Variants in ZCCHC7 observed in about 807,000 individuals in gnomAD.
ZCCHC7 encodes zinc finger CCHC domain-containing protein 7.
In ZCCHC7, 35 loss-of-function variants were observed where a neutral mutation model predicts 52.0. The observed-to-expected ratio is 0.67, with a 90% CI of 0.51 to 0.89. The LOEUF (loss-of-function observed/expected upper bound fraction) is 0.89. Ranked by LOEUF, ZCCHC7 falls within the 40% of genes least tolerant of loss-of-function variation. The probability of loss-of-function intolerance (pLI) is 0.00; values close to 1 mark genes in which losing one functional copy is unlikely to be tolerated. For missense variants in ZCCHC7, 574 were observed against 649.1 expected (o/e 0.88, Z 1.26); for synonymous variants, 217 against 221.5 (o/e 0.98, Z 0.18).
chr9:37,137,917 A>G (rs1466002477), intron 2 of ZCCHC7, among the ~76,000 whole-genome samples: 1 of 152,180 alleles, frequency 6.6e-6, no homozygotes, highest in Admixed American at 6.5e-5. Flanking sequence ...CTAACAGGTC[A>G]TAAGAGTGTA....
rs558831044 is a variant in ZCCHC7, at chr9:37,218,229, CA to C, written c.611-83949del. On this transcript the variant is annotated intron_variant, in intron 2 of 8. Coordinates refer to ENST00000336755, the MANE Select transcript of ZCCHC7 (RefSeq NM_032226.3). ...CTAAGTATAAAGATTCTTGAAAGGG[CA>C]AAAAAAAAATCTTTGTGGATTCAAA... Among the ~76,000 whole-genome samples the C allele has an allele frequency of 2.5e-4, 38 of 149,360 alleles. No homozygotes were observed. In the East Asian group the frequency reaches 6.9e-3, roughly 27 times the overall value.
At chr9:37,137,463 AATAGT>A in intron 2 of ZCCHC7, among the ~76,000 whole-genome samples, 1 of 152,324 alleles carries the variant, frequency 6.6e-6, no homozygotes, top group South Asian at 2.1e-4. Flanking sequence ...GAAATGTTTT[AATAGT>A]ATATCTTTTT....
intron 2 of ZCCHC7, among the ~76,000 whole-genome samples, chr9:37,140,524 G>A (rs1843174873): frequency 6.6e-6 from 1 of 151,928 alleles, no homozygotes; most frequent in Admixed American, 6.6e-5. Context: ...TAGGTGAGTG[G>A]TAGAGATCCA....
At chr9:37,225,030 C>T (rs1026046870) in intron 2 of ZCCHC7, among the ~76,000 whole-genome samples, 2 of 152,188 alleles carry the variant, frequency 1.3e-5, no homozygotes, top group African/African-American at 4.8e-5. Flanking sequence ...AAGAATAATT[C>T]ATTTTATCCC....
At chr9:37,289,502 A>G (rs186624635) in intron 2 of ZCCHC7, among the ~76,000 whole-genome samples, 50 of 152,232 alleles carry the variant, frequency 3.3e-4, no homozygotes, top group Non-Finnish European at 6.5e-4. Flanking sequence ...TTACCTCCAG[A>G]TTATATTCAG....
chr9:37,248,006 GAA>G (rs1826154858), intron 2 of ZCCHC7, among the ~76,000 whole-genome samples: 1 of 151,774 alleles, frequency 6.6e-6, no homozygotes, highest in African/African-American at 2.4e-5. Flanking sequence ...TCACAAACCT[GAA>G]GAGTATTGCC....
At chr9:37,154,099 A>G (rs1457644407) in intron 2 of ZCCHC7, among the ~76,000 whole-genome samples, 1 of 152,048 alleles carries the variant, frequency 6.6e-6, no homozygotes, top group Non-Finnish European at 1.5e-5. Context: ...TCTGTTGCCC[A>G]GGCTGGTCTA....
chr9:37,239,095 A>C (rs1338297977), intron 2 of ZCCHC7, among the ~76,000 whole-genome samples: 2 of 152,174 alleles, frequency 1.3e-5, no homozygotes, highest in Non-Finnish European at 2.9e-5. Context: ...GAAAAAGCCA[A>C]AGGACTTAAA....
chr9:37,303,775 T>C (rs1474458995), intron 3 of ZCCHC7, among the ~76,000 whole-genome samples: 1 of 144,996 alleles, frequency 6.9e-6, no homozygotes, highest in African/African-American at 2.5e-5. Context: ...GCGATTCTCC[T>C]GCCTCAGCCT....
intron 2 of ZCCHC7, among the ~76,000 whole-genome samples, chr9:37,192,664 C>G (rs150236046): frequency 6.6e-6 from 1 of 152,250 alleles, no homozygotes; most frequent in East Asian, 1.9e-4. Context: ...GATTCAATAA[C>G]TAAGTCAGAA....
intron 2 of ZCCHC7, among the ~76,000 whole-genome samples, chr9:37,130,422 T>C (rs1442089950): frequency 1.4e-5 from 2 of 146,160 alleles, no homozygotes; most frequent in Admixed American, 1.4e-4. Flanking sequence ...CTCCTGGGCT[T>C]GTGTGGTCCT....
chr9:37,341,125 G>A (rs925319633), intron 6 of ZCCHC7, among the ~76,000 whole-genome samples: 2 of 152,040 alleles, frequency 1.3e-5, no homozygotes, highest in African/African-American at 4.8e-5. Context: ...TTTGTCCCTG[G>A]TACTGTAAGA....
At chr9:37,249,456 CTT>C (rs60166399) in intron 2 of ZCCHC7, among the ~76,000 whole-genome samples, 20 of 111,240 alleles carry the variant, frequency 1.8e-4, no homozygotes, top group South Asian at 6.3e-4. Flanking sequence ...CTTCTTCTTC[CTT>C]TTTTTTTTTT....
intron 5 of ZCCHC7, among the ~76,000 whole-genome samples, chr9:37,309,387 C>T (rs985622409): frequency 5.9e-5 from 9 of 152,216 alleles, no homozygotes; most frequent in Non-Finnish European, 1.2e-4. Context: ...CTATCAAATG[C>T]TTGCTGCTCA....
intron 2 of ZCCHC7, among the ~76,000 whole-genome samples, chr9:37,180,698 A>G (rs1822306350): frequency 6.6e-6 from 1 of 152,122 alleles, no homozygotes; most frequent in Non-Finnish European, 1.5e-5. Flanking sequence ...CTCTTATTTT[A>G]GTTGTAATGG....
intron 2 of ZCCHC7, among the ~76,000 whole-genome samples, chr9:37,269,028 G>A (rs192737277): frequency 2.0e-5 from 3 of 152,290 alleles, no homozygotes; most frequent in African/African-American, 7.2e-5. Context: ...TTAACTAGTC[G>A]AAATGGTGAG....
intron 2 of ZCCHC7, among the ~76,000 whole-genome samples, chr9:37,196,224 C>T (rs1823277975): frequency 6.6e-6 from 1 of 152,102 alleles, no homozygotes; most frequent in Non-Finnish European, 1.5e-5. Context: ...TCACTCTGTC[C>T]AGTACAACAA....
At chr9:37,216,800 G>T (rs1824530870) in intron 2 of ZCCHC7, among the ~76,000 whole-genome samples, 1 of 152,246 alleles carries the variant, frequency 6.6e-6, no homozygotes, top group Non-Finnish European at 1.5e-5. Context: ...GAAAACGGAA[G>T]TCTTTGTAAT....
intron 2 of ZCCHC7, among the ~76,000 whole-genome samples, chr9:37,143,016 A>G (rs1195639990): frequency 2.6e-5 from 4 of 151,816 alleles, no homozygotes; most frequent in African/African-American, 9.7e-5. Context: ...AGAACACTGT[A>G]GAGCCGAACT....
Sources: gnomAD v4.1 joint callset for allele counts (sites outside exome capture counted in the v4.1 genomes callset) on GRCh38, gnomAD v4.1.1 for gene constraint, MANE v1.5 for transcripts, NCBI Gene and HGNC (gene_info 2026-07-23, HGNC 2026-07-21) for gene names.